Variants in AHNAK2 observed in about 807,000 individuals in gnomAD.
AHNAK2 encodes AHNAK nucleoprotein 2.
A neutral mutation model predicts 30.7 loss-of-function variants in AHNAK2; 18 were observed. The ratio of observed to expected loss-of-function variants is 0.59; its 90% CI spans 0.41 to 0.87. The LOEUF (loss-of-function observed/expected upper bound fraction) is 0.87, where lower values mean the gene tolerates loss of function less well. AHNAK2 is among the 40% of genes least tolerant of loss of function. The pLI is 0.00. For synonymous variants in AHNAK2, 3,590 were observed against 3,073.8 expected, an observed-to-expected ratio of 1.17 and a Z score of -5.56; for missense variants, 8,604 against 7,373.0, an observed-to-expected ratio of 1.17 and a Z score of -6.11.
chr14:104,942,245 G>T lies in AHNAK2; in HGVS notation c.13206C>A (p.Asp4402Glu), dbSNP rs778375938. 1.2e-6 allele frequency: 2 copies of T among 1,612,090 alleles called. No individual in the cohort carries two copies. The highest frequency in any genetic ancestry group is 2.7e-5 in the African/African-American group (2 of 74,488). ...PKVDLKGPQI[D>E]VNVPKLDLKG... ...TCAGGTCCAGCTTGGGGACATTAAC[G>T]TCTATCTGGGGACCCTTGAGGTCCA... The change falls in exon 7 of 7, where the codon GAC (aspartate) becomes GAA (glutamate). Residue 4402 changes from aspartate to glutamate, a missense_variant. Coordinates refer to ENST00000333244, the MANE Select transcript of AHNAK2 (RefSeq NM_138420.4).
intron 1 of AHNAK2, among the ~76,000 whole-genome samples, chr14:104,971,741 A>C (rs923207037): frequency 6.6e-6 from 1 of 152,218 alleles, no homozygotes; most frequent in Non-Finnish European, 1.5e-5. Context: ...CTGGGCAGCC[A>C]GGAGGCTCCA....
In AHNAK2 at chr14:104,937,730, G is replaced by A. The variant is rs963054340; in HGVS notation, c.*333C>T. The A allele has an allele frequency of 1.5e-5, 4 of 273,128 alleles. No homozygotes were observed. Among genetic ancestry groups the A allele is most frequent in the African/African-American group, 8.8e-5 (4 of 45,620 alleles). 16.9% of individuals were successfully genotyped at this position (273,128 alleles called of 1,614,324 possible). A position where few individuals can be genotyped will look rare whatever the true frequency, so the allele number is the denominator to read the frequency against. On this transcript the variant is annotated 3_prime_UTR_variant, in exon 7 of 7. Coordinates refer to ENST00000333244, the MANE Select transcript of AHNAK2 (RefSeq NM_138420.4). The stretch of plus-strand genomic sequence containing the variant: ...TCAAAGAAACAGTCATGTTCTGTTG[G>A]GTATTATGGACAGGTCTCTGGAAAT...
Position 104,945,152 on chromosome 14 carries a change from C to G in AHNAK2, c.10299G>C (p.Glu3433Asp), listed in dbSNP as rs757213771. ...CCACCTCCACGCTGGGCAGAGACAC[C>G]TCCACATCAGGGACTGTCACTTCCG... ...PKAEVTVPDVEVSLPSVEVDV... is the reference protein window; with the variant it reads ...PKAEVTVPDVDVSLPSVEVDV... Residue 3433 changes from glutamate to aspartate, a missense_variant, in exon 7 of 7, where the codon GAG becomes GAC. By Grantham distance (45) the Glu-to-Asp change is conservative. Transcript: ENST00000333244. 1 of 1,613,370 alleles carries G rather than the reference C, an allele frequency of 6.2e-7. No individual in the cohort carries two copies.
Position 104,946,626 on chromosome 14 carries a change from G to T in AHNAK2, c.8825C>A (p.Pro2942His), listed in dbSNP as rs549947535. The change falls in exon 7 of 7, where the codon CCC becomes CAC. Residue 2942 changes from proline to histidine, a missense_variant. Physicochemically the swap from Pro to His is moderately conservative, Grantham distance 77. Transcript: ENST00000333244. ...GGCCTCGACGTCCACCTCCACGCTG[G>T]GCAGAGACACCTCCACGTCGGGGGC... ...VTAPDVEVSL[P>H]SVEVDVEAPR... is the part of the protein sequence containing the mutation. The T allele has an allele frequency of 7.4e-6, 12 of 1,612,618 alleles. No individual in the cohort carries two copies. Among genetic ancestry groups the T allele is most frequent in the Middle Eastern group, 3.3e-4 (2 of 6,058 alleles).
Position 104,943,123 on chromosome 14 carries a change from G to A in AHNAK2, c.12328C>T (p.Leu4110=). The change falls in exon 7 of 7, where the codon CTG becomes TTG. Residue 4110 remains leucine (L), a synonymous_variant. Coordinates refer to ENST00000333244, the MANE Select transcript of AHNAK2 (RefSeq NM_138420.4). The part of the protein sequence containing the change: ...EVDVQAPRAK[L]DGVQLEGDLS... ...TCCCCCTCCAGCTGCACACCATCCA[G>A]CTTTGCTCTCGGGGCCTGGACGTCC... is the stretch of plus-strand genomic sequence containing the variant. 3.7e-6 allele frequency: 6 copies of A among 1,613,284 alleles called. No individual in the cohort carries two copies. The highest frequency in any genetic ancestry group is 5.1e-6 in the Non-Finnish European group (6 of 1,179,590).
chr14:104,948,956 C>G lies in AHNAK2; in HGVS notation c.6495G>C (p.Val2165=). 8.1e-7 allele frequency: 1 copy of G among 1,234,496 alleles called. No individual in the cohort carries two copies. Among genetic ancestry groups the G allele is most frequent in the Non-Finnish European group, 1.1e-6 (1 of 874,494 alleles). 76.5% of individuals were successfully genotyped at this position (1,234,496 alleles called of 1,614,324 possible). A position where few individuals can be genotyped will look rare whatever the true frequency, so the allele number is the denominator to read the frequency against. The change falls in exon 7 of 7, where the codon GTG becomes GTC. Residue 2165 remains valine (V), a synonymous_variant. Transcript: ENST00000333244. ...MPKFKMPSFG[V]SAPGKSIEAS... ...CCTCGATGGACTTGCCTGGGGCAGA[C>G]ACCCCAAACGACGGCATCTTGAACT...
chr14:104,974,474 G>A (rs1052745007), intron 1 of AHNAK2, among the ~76,000 whole-genome samples: 8 of 152,252 alleles, frequency 5.3e-5, no homozygotes, highest in African/African-American at 4.8e-5. Flanking sequence ...TTCGCCCTCA[G>A]CCTCTGCAGG....
chr14:104,965,166 G>A (rs563893283), intron 1 of AHNAK2, among the ~76,000 whole-genome samples: 1 of 152,218 alleles, frequency 6.6e-6, no homozygotes, highest in East Asian at 1.9e-4. Context: ...AAGATAGGAC[G>A]GACGCCCCGA....
chr14:104,972,999 C>T (rs1214137587), intron 1 of AHNAK2, among the ~76,000 whole-genome samples: 1 of 152,202 alleles, frequency 6.6e-6, no homozygotes, highest in Non-Finnish European at 1.5e-5. Flanking sequence ...TACCCAGTCC[C>T]AAGAGAGGCA....
chr14:104,951,273 T>A lies in AHNAK2; in HGVS notation c.4178A>T (p.Asp1393Val), dbSNP rs753448665. The A allele has an allele frequency of 9.4e-7, 1 of 1,060,340 alleles. No individual in the cohort carries two copies. The highest frequency in any genetic ancestry group is 1.6e-5 in the South Asian group (1 of 62,180). The allele number at this position is 1,060,340 out of a possible 1,614,324, so 65.7% of individuals were successfully genotyped here. ...TDLELQAGQL[D>V]VKLPEGPVPE... ...CACGGGGCCCTCTGGGAGTTTCACGTCCAATTGGCCAGCCTGGAGCTCCAG... is the reference window on the plus strand; with the variant it reads ...CACGGGGCCCTCTGGGAGTTTCACGACCAATTGGCCAGCCTGGAGCTCCAG... The change falls in exon 7 of 7, where the codon GAC (aspartate) becomes GTC (valine). Residue 1393 changes from aspartate to valine, a missense_variant. Physicochemically the swap from Asp to Val is radical, Grantham distance 152. Coordinates refer to ENST00000333244, the MANE Select transcript of AHNAK2 (RefSeq NM_138420.4).
intron 1 of AHNAK2, among the ~76,000 whole-genome samples, chr14:104,965,496 A>G (rs534244835): frequency 2.6e-5 from 4 of 151,832 alleles, no homozygotes; most frequent in African/African-American, 9.7e-5. Flanking sequence ...TCTCAACCCC[A>G]CTCTGAATTA....
rs1448435517 is a variant in AHNAK2, at chr14:104,950,226, G to T, written c.5225C>A (p.Pro1742His). 2 of 1,585,708 alleles carry T rather than the reference G, an allele frequency of 1.3e-6. No homozygotes were observed. Among genetic ancestry groups the T allele is most frequent in the African/African-American group, 2.8e-5 (2 of 71,910 alleles). The part of the protein sequence containing the change: ...PEGAGFKGHL[P>H]KVQMPSLKMP... ...CTTCAAACTGGGCATCTGCACCTTG[G>T]GGAGGTGCCCTTTGAAGCCGGCTCC... is the stretch of plus-strand genomic sequence containing the variant. Residue 1742 changes from proline to histidine, a missense_variant, in exon 7 of 7, where the codon CCC becomes CAC. Transcript: ENST00000333244.
Position 104,952,239 on chromosome 14 carries a change from A to C in AHNAK2, c.3212T>G (p.Leu1071Arg). ...QVDVKLPEGH[L>R]PEGAGLKGHL... ...CCCTTTAAGGCCAGCTCCCTCGGGCAGGTGGCCCTCCGGGAGCTTCACATC... is the reference window on the plus strand; with the variant it reads ...CCCTTTAAGGCCAGCTCCCTCGGGCCGGTGGCCCTCCGGGAGCTTCACATC... The change falls in exon 7 of 7, where the codon CTG becomes CGG. Residue 1071 changes from leucine (L) to arginine (R), a missense_variant. Leu to Arg is a moderately radical substitution (Grantham distance 102, BLOSUM62 -2). Coordinates refer to ENST00000333244, the MANE Select transcript of AHNAK2 (RefSeq NM_138420.4). 6.2e-7 allele frequency: 1 copy of C among 1,612,566 alleles called. No homozygotes were observed. Among genetic ancestry groups the C allele is most frequent in the South Asian group, 1.1e-5 (1 of 91,016 alleles).
intron 1 of AHNAK2, among the ~76,000 whole-genome samples, chr14:104,974,638 T>C (rs949518185): frequency 6.6e-5 from 10 of 152,192 alleles, no homozygotes; most frequent in Non-Finnish European, 1.2e-4. Flanking sequence ...GAACAATGGG[T>C]GGATCCTTCC....
rs201434885 is a variant in AHNAK2, at chr14:104,940,339, C to T, written c.15112G>A (p.Val5038Ile). The change falls in exon 7 of 7, where the codon GTC becomes ATC. Residue 5038 changes from valine (V) to isoleucine (I), a missense_variant. Val to Ile is a conservative substitution (Grantham distance 29). Transcript: ENST00000333244. The surrounding 1 kb of genome is among the most constrained non-coding windows in gnomAD (Gnocchi z 4.4). ...LPKMKASKSG[V>I]SLPQRDVDPS... ...TCCACGTCTCTCTGTGGCAGGCTGA[C>T]CCCACTCTTAGAAGCCTTCATTTTG... The T allele has an allele frequency of 6.8e-4, 1,098 of 1,613,680 alleles. 1 individual carries two copies. Among genetic ancestry groups the T allele is most frequent in the Non-Finnish European group, 9.0e-4 (1,062 of 1,179,894 alleles).
At position 104,938,256 on chromosome 14, in the gene AHNAK2, GT is replaced by G; in HGVS notation, c.17194del (p.Thr5732ArgfsTer19). 1 of 1,613,838 alleles carries G rather than the reference GT, an allele frequency of 6.2e-7. No individual in the cohort carries two copies. Among genetic ancestry groups the G allele is most frequent in the East Asian group, 2.2e-5 (1 of 44,878 alleles). On this transcript the variant is annotated frameshift_variant, in exon 7 of 7. Coordinates refer to ENST00000333244, the MANE Select transcript of AHNAK2 (RefSeq NM_138420.4). LOFTEE classifies it low-confidence loss of function (END_TRUNC). ...GAAACTTTCTCGGGCATCAAAAAACGTGATTGTTTCTTCTTGAAGTTTTTGT... is the reference window on the plus strand; with the variant it reads ...GAAACTTTCTCGGGCATCAAAAAACGGATTGTTTCTTCTTGAAGTTTTTGT... ...EEQKLQEETI[T>X]FFDARESFSP... is the part of the protein sequence containing the mutation.
At position 104,949,748 on chromosome 14, in the gene AHNAK2, G is replaced by T; in HGVS notation, c.5703C>A (p.Gly1901=). ...LPEGQVPEGA[G]LKGHLPKVDM... is the part of the protein sequence containing the mutation. The stretch of plus-strand genomic sequence containing the variant: ...CCACCTTGGGCAAGTGCCCTTTGAG[G>T]CCGGCTCCCTCGGGCACCTGGCCCT... Residue 1901 remains glycine, a synonymous_variant, in exon 7 of 7, where the codon GGC becomes GGA. Transcript: ENST00000333244. The T allele has an allele frequency of 3.8e-6, 6 of 1,587,672 alleles. 1 individual carries two copies. The highest frequency in any genetic ancestry group is 5.2e-6 in the Non-Finnish European group (6 of 1,163,156).
Position 104,943,847 on chromosome 14 carries a change from G to C in AHNAK2, c.11604C>G (p.Asp3868Glu). Residue 3868 changes from aspartate (D) to glutamate (E), a missense_variant, in exon 7 of 7, where the codon GAC (aspartate) becomes GAG (glutamate). Transcript: ENST00000333244. ...GCACGTGGCCCTCCAGGAGTTTCAT[G>C]TCCACCTGGCGAGCTTGGACCGTCA... ...ADLTVQARQV[D>E]MKLLEGHVPE... 6.2e-7 allele frequency: 1 copy of C among 1,612,054 alleles called. No homozygotes were observed. Among genetic ancestry groups the C allele is most frequent in the Non-Finnish European group, 8.5e-7 (1 of 1,179,266 alleles).
chr14:104,978,078 G>T, intron 1 of AHNAK2, 105 bp downstream of exon 1: 1 of 961,906 alleles, frequency 1.0e-6, no homozygotes, highest in Non-Finnish European at 1.3e-6. Flanking sequence ...CGAGTCCCCC[G>T]CCCCCAAGGC....
Sources: gnomAD v4.1 joint callset for allele counts (sites outside exome capture counted in the v4.1 genomes callset) on GRCh38, gnomAD v4.1.1 for gene constraint, Gnocchi (gnomAD v3.1) non-coding constraint, MANE v1.5 for transcripts, NCBI Gene and HGNC (gene_info 2026-07-23, HGNC 2026-07-21) for gene names.